PACRG: variants seen among roughly 807,000 people sequenced by gnomAD.
PACRG encodes parkin coregulated gene protein.
Under a neutral mutation model 29.7 loss-of-function variants are expected in PACRG, and 29 were observed. That is an observed-to-expected ratio of 0.98 (90% CI 0.73 to 1.33). The LOEUF (loss-of-function observed/expected upper bound fraction) is 1.33, where lower values mean the gene tolerates loss of function less well. Ranked by LOEUF, PACRG falls within the 40% of genes most tolerant of loss-of-function variation. The pLI, the probability that PACRG is intolerant of heterozygous loss-of-function variation, is 0.00. For synonymous variants in PACRG, 116 were observed against 118.7 expected, an observed-to-expected ratio of 0.98 and a Z score of 0.15; for missense variants, 279 against 316.2, an observed-to-expected ratio of 0.88 and a Z score of 0.89.
chr6:163,034,355 C>T (rs1218735464), intron 2 of PACRG, among the ~76,000 whole-genome samples: 1 of 152,190 alleles, frequency 6.6e-6, no homozygotes, highest in African/African-American at 2.4e-5. Flanking sequence ...TAGCAGTTAA[C>T]ATCCTGTAGT....
chr6:162,947,583 C>CATATATATAACCATAT (rs1799244165), intron 2 of PACRG, among the ~76,000 whole-genome samples: 1 of 42,052 alleles, frequency 2.4e-5, no homozygotes, highest in Non-Finnish European at 4.1e-5. Context: ...CATATATAAT[C>CATATATATAACCATAT]ATATATATAA....
intron 2 of PACRG, among the ~76,000 whole-genome samples, chr6:162,917,675 A>G (rs1472899764): frequency 6.6e-6 from 1 of 152,070 alleles, no homozygotes; most frequent in Non-Finnish European, 1.5e-5. Flanking sequence ...TTTGTTTTAA[A>G]ATCCAGGTTG....
chr6:162,756,552 C>T (rs565349984), intron 1 of PACRG, among the ~76,000 whole-genome samples: 1 of 152,206 alleles, frequency 6.6e-6, no homozygotes, highest in Admixed American at 6.5e-5. Context: ...TGAAGTGACC[C>T]TCTTATAGGC....
At chr6:162,821,422 C>T (rs888105760) in intron 2 of PACRG, among the ~76,000 whole-genome samples, 2 of 152,102 alleles carry the variant, frequency 1.3e-5, no homozygotes, top group African/African-American at 4.8e-5. Context: ...ACCAGGGACC[C>T]AAGGGAAACA....
At chr6:163,066,126 A>T (rs1216685939) in intron 3 of PACRG, among the ~76,000 whole-genome samples, 1 of 152,196 alleles carries the variant, frequency 6.6e-6, no homozygotes, top group Non-Finnish European at 1.5e-5. Context: ...ACTCAGGTGG[A>T]GGCACAATTT....
chr6:163,191,357 T>C (rs1196008264), intron 4 of PACRG, among the ~76,000 whole-genome samples: 1 of 152,136 alleles, frequency 6.6e-6, no homozygotes, highest in African/African-American at 2.4e-5. Flanking sequence ...AGTGTCAAGT[T>C]CCAGTGTCCT....
chr6:163,031,983 A>T (rs1204349885), intron 2 of PACRG, among the ~76,000 whole-genome samples: 1 of 152,232 alleles, frequency 6.6e-6, no homozygotes, highest in Non-Finnish European at 1.5e-5. Context: ...TGGTAAAATA[A>T]CCAGTTTCTC....
intron 4 of PACRG, among the ~76,000 whole-genome samples, chr6:163,283,718 G>A (rs949568399): frequency 2.0e-5 from 3 of 150,976 alleles, no homozygotes; most frequent in Non-Finnish European, 3.0e-5. Flanking sequence ...GGAGAATGGC[G>A]TGAACCCGGG....
intron 2 of PACRG, among the ~76,000 whole-genome samples, chr6:162,941,554 G>T (rs1798632524): frequency 6.6e-6 from 1 of 152,144 alleles, no homozygotes; most frequent in Non-Finnish European, 1.5e-5. Context: ...CATTTTCCTG[G>T]CAGGAGGAGT....
intron 4 of PACRG, among the ~76,000 whole-genome samples, chr6:163,155,310 C>T (rs1377138812): frequency 6.6e-6 from 1 of 152,222 alleles, no homozygotes; most frequent in African/African-American, 2.4e-5. Context: ...CTCGTCCCTC[C>T]ATGAAGCTGG....
intron 4 of PACRG, among the ~76,000 whole-genome samples, chr6:163,160,773 T>A (rs747626883): frequency 2.6e-5 from 4 of 152,174 alleles, no homozygotes; most frequent in African/African-American, 4.8e-5. Context: ...AAGAATAATA[T>A]GTAGTCAGCT....
intron 4 of PACRG, among the ~76,000 whole-genome samples, chr6:163,093,906 C>T (rs753675294): frequency 6.6e-5 from 10 of 152,144 alleles, no homozygotes; most frequent in Non-Finnish European, 1.0e-4. Context: ...CTGAAGTTTG[C>T]AAAATTTTAG....
At chr6:162,764,573 A>G (rs1782634893) in intron 1 of PACRG, among the ~76,000 whole-genome samples, 1 of 152,108 alleles carries the variant, frequency 6.6e-6, no homozygotes, top group African/African-American at 2.4e-5. Flanking sequence ...TAGAAGATAT[A>G]ATTTCTTATC....
At chr6:162,927,831 A>C (rs1212550368) in intron 2 of PACRG, among the ~76,000 whole-genome samples, 3 of 151,936 alleles carry the variant, frequency 2.0e-5, no homozygotes, top group Non-Finnish European at 2.9e-5. Flanking sequence ...ACAAACAAAC[A>C]AAAAAATGAA....
At chr6:162,780,508 G>T (rs1272403683) in intron 1 of PACRG, among the ~76,000 whole-genome samples, 1 of 151,712 alleles carries the variant, frequency 6.6e-6, no homozygotes, top group Non-Finnish European at 1.5e-5. Context: ...CAAAATGTCT[G>T]GCAACCAATT....
intron 1 of PACRG, among the ~76,000 whole-genome samples, chr6:162,783,003 T>C (rs1010887979): frequency 6.6e-6 from 1 of 151,918 alleles, no homozygotes; most frequent in African/African-American, 2.4e-5. Context: ...AAAGTTCTTC[T>C]AAATCTATGT....
intron 4 of PACRG, among the ~76,000 whole-genome samples, chr6:163,214,014 C>T (rs769238710): frequency 9.9e-5 from 15 of 152,166 alleles, no homozygotes; most frequent in African/African-American, 1.4e-4. Context: ...TTTTGATCTA[C>T]TTTTGGACTC....
chr6:163,142,597 A>T (rs1424567549), intron 4 of PACRG, among the ~76,000 whole-genome samples: 1 of 152,364 alleles, frequency 6.6e-6, no homozygotes, highest in East Asian at 1.9e-4. Flanking sequence ...AGAAGAATCG[A>T]AGAAGAAGGT....
intron 4 of PACRG, among the ~76,000 whole-genome samples, chr6:163,111,010 T>C (rs932866033): frequency 6.6e-6 from 1 of 152,270 alleles, no homozygotes; most frequent in African/African-American, 2.4e-5. Context: ...GGACATTCTG[T>C]GATGCAGATT....
Sources: gnomAD v4.1 joint callset for allele counts (sites outside exome capture counted in the v4.1 genomes callset) on GRCh38, gnomAD v4.1.1 for gene constraint, MANE v1.5 for transcripts, NCBI Gene and HGNC (gene_info 2026-07-23, HGNC 2026-07-21) for gene names.